Variants in TMEM120B observed in about 807,000 individuals in gnomAD.
The protein encoded by TMEM120B is transmembrane protein 120B.
In TMEM120B, 31 loss-of-function variants were observed where a neutral mutation model predicts 55.5. The ratio of observed to expected loss-of-function variants is 0.56; its 90% CI spans 0.42 to 0.75. The LOEUF (loss-of-function observed/expected upper bound fraction) is 0.75, where lower values mean the gene tolerates loss of function less well. Ranked by LOEUF, TMEM120B falls within the 30% of genes least tolerant of loss-of-function variation. The pLI is 0.00. For synonymous variants in TMEM120B, 203 were observed against 176.3 expected (o/e 1.15, Z -1.20); for missense variants, 399 against 425.5 (o/e 0.94, Z 0.55).
intron 5 of TMEM120B, among the ~76,000 whole-genome samples, chr12:121,756,796 C>T (rs1406093478): frequency 1.3e-5 from 2 of 152,230 alleles, no homozygotes; most frequent in African/African-American, 2.4e-5. Context: ...GAGTTCGTCT[C>T]AAGAGAGTCA....
intron 1 of TMEM120B, among the ~76,000 whole-genome samples, chr12:121,741,061 A>C (rs1872919965): frequency 6.6e-6 from 1 of 152,126 alleles, no homozygotes; most frequent in African/African-American, 2.4e-5. Flanking sequence ...TAATTTTCAC[A>C]CACCACGAAA....
At chr12:121,771,576 G>T (rs1355728328) in intron 8 of TMEM120B, 27 bp downstream of exon 8, 32 of 1,608,402 alleles carry the variant, frequency 2.0e-5, no homozygotes, top group Non-Finnish European at 2.7e-5. Flanking sequence ...TGGATTTGGG[G>T]GAAGGGACAT....
chr12:121,781,268 C>T lies in TMEM120B; in HGVS notation c.*5546C>T, dbSNP rs545390154. On this transcript the variant is annotated 3_prime_UTR_variant, in exon 12 of 12. Coordinates refer to ENST00000449592, the MANE Select transcript of TMEM120B (RefSeq NM_001080825.2). ...CTCTGACGGGTGAAGGGGAAGGGGC[C>T]AGGCAAGTGACCCTGCCTTAGGGCC... is the stretch of plus-strand genomic sequence containing the variant. The T allele has an allele frequency of 7.4e-6, 10 of 1,356,996 alleles. No homozygotes were observed. In the South Asian group the frequency reaches 7.5e-5, roughly 10 times the overall value. The allele number at this position is 1,356,996 out of a possible 1,614,324, so 84.1% of individuals were successfully genotyped here.
chr12:121,781,467 T>C lies in TMEM120B; in HGVS notation c.*5745T>C. 2.5e-6 allele frequency: 1 copy of C among 393,574 alleles called. No homozygotes were observed. The highest frequency in any genetic ancestry group is 4.7e-6 in the Non-Finnish European group (1 of 211,066). The allele number at this position is 393,574 out of a possible 1,614,324, so 24.4% of individuals were successfully genotyped here. On this transcript the variant is annotated 3_prime_UTR_variant, in exon 12 of 12. Coordinates refer to ENST00000449592, the MANE Select transcript of TMEM120B (RefSeq NM_001080825.2). ...GCCTGGGTGACAGAGCGAGACCCTG[T>C]CTCTTAACAACAAAACCCATGAGCG... is the stretch of plus-strand genomic sequence containing the variant.
At chr12:121,755,096 C>T (rs993249012) in intron 5 of TMEM120B, among the ~76,000 whole-genome samples, 7 of 152,186 alleles carry the variant, frequency 4.6e-5, no homozygotes, top group Non-Finnish European at 8.8e-5. Context: ...ACTGGGCATA[C>T]GGGAAAAAGG....
intron 2 of TMEM120B, among the ~76,000 whole-genome samples, chr12:121,744,335 C>T (rs771732756): frequency 6.6e-6 from 1 of 152,330 alleles, no homozygotes; most frequent in Middle Eastern, 3.4e-3. Context: ...GCTTGGGCAG[C>T]GCCATGCCGT....
rs1401051588 is a variant in TMEM120B, at chr12:121,781,245, C to CT, written c.*5524dup. ...GGGACGTCCCCTCCCTGTCTGGACT[C>CT]TGACGGGTGAAGGGGAAGGGGCCAG... On this transcript the variant is annotated 3_prime_UTR_variant, in exon 12 of 12. Coordinates refer to ENST00000449592, the MANE Select transcript of TMEM120B (RefSeq NM_001080825.2). 2.6e-5 allele frequency: 40 copies of CT among 1,536,654 alleles called. No individual in the cohort carries two copies. The highest frequency in any genetic ancestry group is 3.1e-5 in the Non-Finnish European group (35 of 1,113,396).
chr12:121,752,570 TGG>T (rs1424854503), intron 5 of TMEM120B, among the ~76,000 whole-genome samples: 1 of 151,546 alleles, frequency 6.6e-6, no homozygotes, highest in Non-Finnish European at 1.5e-5. Flanking sequence ...CTGGCCAACA[TGG>T]TGAAACCCTG....
At chr12:121,766,435 C>T (rs1052213456) in intron 6 of TMEM120B, among the ~76,000 whole-genome samples, 3 of 152,182 alleles carry the variant, frequency 2.0e-5, no homozygotes, top group Non-Finnish European at 4.4e-5. Flanking sequence ...GTTCATGGCC[C>T]GGCTCCAGCT....
intron 6 of TMEM120B, among the ~76,000 whole-genome samples, chr12:121,768,816 G>A (rs1873929593): frequency 6.6e-6 from 1 of 152,062 alleles, no homozygotes; most frequent in Admixed American, 6.6e-5. Context: ...TGGGGGTGGG[G>A]GGTGACAACC....
chr12:121,757,287 G>C (rs1033550151), intron 5 of TMEM120B, among the ~76,000 whole-genome samples: 2 of 151,720 alleles, frequency 1.3e-5, no homozygotes, highest in South Asian at 4.2e-4. Context: ...TCAGCATCCC[G>C]AGTAGCTGAG....
chr12:121,767,522 G>C (rs1275042549), intron 6 of TMEM120B, among the ~76,000 whole-genome samples: 1 of 152,206 alleles, frequency 6.6e-6, no homozygotes, highest in Non-Finnish European at 1.5e-5. Flanking sequence ...AATGGGTGTA[G>C]GTTTCTTTCT....
chr12:121,768,245 G>T (rs1362495569), intron 6 of TMEM120B, among the ~76,000 whole-genome samples: 1 of 152,234 alleles, frequency 6.6e-6, no homozygotes, highest in Non-Finnish European at 1.5e-5. Flanking sequence ...GTGGCATCCA[G>T]ATTAGCTGCT....
At chr12:121,743,544 C>T (rs1460140162) in intron 1 of TMEM120B, 85 bp from the exon 2 acceptor site, 31 of 1,048,928 alleles carry the variant, frequency 3.0e-5, no homozygotes, top group East Asian at 2.7e-4. Context: ...GGTGACAGAG[C>T]GAGACTCTCT....
chr12:121,762,690 G>T (rs1873719137), intron 6 of TMEM120B, among the ~76,000 whole-genome samples: 1 of 152,222 alleles, frequency 6.6e-6, no homozygotes, highest in African/African-American at 2.4e-5. Context: ...GGGTTTTGGT[G>T]ACAAGAGTGG....
intron 6 of TMEM120B, among the ~76,000 whole-genome samples, chr12:121,762,364 G>T (rs560220091): frequency 4.6e-5 from 7 of 152,008 alleles, no homozygotes; most frequent in Non-Finnish European, 1.0e-4. Flanking sequence ...CTTCTGTGTT[G>T]TGTTTATCTC....
intron 1 of TMEM120B, among the ~76,000 whole-genome samples, chr12:121,736,094 G>A (rs957272513): frequency 6.6e-5 from 10 of 152,000 alleles, no homozygotes; most frequent in African/African-American, 9.7e-5. Context: ...TACTAGATAC[G>A]TTTTCTCTAA....
chr12:121,759,238 C>CGTTAGT (rs112430835), intron 5 of TMEM120B, among the ~76,000 whole-genome samples: 12,909 of 151,318 alleles, frequency 0.085, 975 homozygotes, highest in African/African-American at 0.2. Flanking sequence ...AAAGTTCTCC[C>CGTTAGT]GTTAGTGGTG....
intron 1 of TMEM120B, among the ~76,000 whole-genome samples, chr12:121,726,179 TGTG>T (rs1894887515): frequency 6.6e-6 from 1 of 151,852 alleles, no homozygotes; most frequent in Non-Finnish European, 1.5e-5. Context: ...TAACACGAGA[TGTG>T]GTGATGGTTG....
Sources: gnomAD v4.1 joint callset for allele counts (sites outside exome capture counted in the v4.1 genomes callset) on GRCh38, gnomAD v4.1.1 for gene constraint, MANE v1.5 for transcripts, NCBI Gene and HGNC (gene_info 2026-07-23, HGNC 2026-07-21) for gene names.